Variants in CLEC1A observed in about 807,000 individuals in gnomAD.
CLEC1A encodes C-type lectin-like receptor-1.
Under a neutral mutation model 28.7 loss-of-function variants are expected in CLEC1A, and 34 were observed. The ratio of observed to expected loss-of-function variants is 1.18; its 90% CI spans 0.90 to 1.57. CLEC1A has a LOEUF of 1.57. Among genes scored for constraint, CLEC1A ranks in the 40% most tolerant of loss-of-function variants. The pLI, the probability that CLEC1A is intolerant of heterozygous loss-of-function variation, is 0.00. For missense variants in CLEC1A, 385 were observed against 339.5 expected, an observed-to-expected ratio of 1.13 and a Z score of -1.05; for synonymous variants, 116 against 121.0, an observed-to-expected ratio of 0.96 and a Z score of 0.27.
At position 10,075,667 on chromosome 12, in the gene CLEC1A, G is replaced by C; in HGVS notation, c.392-12C>G. On this transcript the variant is annotated splice_polypyrimidine_tract_variant and intron_variant, in intron 3 of 5. Coordinates refer to ENST00000315330, the MANE Select transcript of CLEC1A (RefSeq NM_016511.4). ...GCTGCACCTGTGTGCTTGGAAAAAAGCCAATTTTATTGTTATTTTCTGCAT... is the reference window on the plus strand; with the variant it reads ...GCTGCACCTGTGTGCTTGGAAAAAACCCAATTTTATTGTTATTTTCTGCAT... The C allele has an allele frequency of 1.2e-6, 2 of 1,610,634 alleles. No homozygotes were observed. Among genetic ancestry groups the C allele is most frequent in the Non-Finnish European group, 1.7e-6 (2 of 1,178,448 alleles).
intron 1 of CLEC1A, among the ~76,000 whole-genome samples, chr12:10,093,890 G>A (rs975889318): frequency 1.3e-5 from 2 of 152,080 alleles, no homozygotes; most frequent in Admixed American, 1.3e-4. Flanking sequence ...ATGGGAATCT[G>A]AGTTCACGGG....
In CLEC1A at chr12:10,070,671, A is replaced by T. The variant is rs1215492239; in HGVS notation, c.*662T>A. The T allele has an allele frequency of 6.6e-6, 1 of 152,182 alleles. No homozygotes were observed. The highest frequency in any genetic ancestry group is 1.5e-5 in the Non-Finnish European group (1 of 68,028). The allele number at this position is 152,182 out of a possible 1,614,324, so 9.4% of individuals were successfully genotyped here. ...TGATATGAAACGGAGATGGGGATAT[A>T]TTTCTTTCCTGGGAGAAATTCCTAT... On this transcript the variant is annotated 3_prime_UTR_variant, in exon 6 of 6. Coordinates refer to ENST00000315330, the MANE Select transcript of CLEC1A (RefSeq NM_016511.4).
chr12:10,088,269 G>A (rs899716439), intron 2 of CLEC1A, among the ~76,000 whole-genome samples: 1 of 152,150 alleles, frequency 6.6e-6, no homozygotes, highest in Admixed American at 6.5e-5. Flanking sequence ...CAAAACAATA[G>A]TTCTATCACA....
chr12:10,073,897 G>T (rs965435782), intron 4 of CLEC1A, among the ~76,000 whole-genome samples: 10 of 152,104 alleles, frequency 6.6e-5, no homozygotes, highest in Admixed American at 2.0e-4. Context: ...AGAGAAGAAA[G>T]AAATTTTTAA....
rs1236258079 is a variant in CLEC1A at position 10,081,318 on chromosome 12, G to A, written c.310C>T (p.Gln104Ter). The A allele has an allele frequency of 5.6e-6, 9 of 1,613,300 alleles. No individual in the cohort carries two copies. In the Admixed American group the frequency reaches 1.2e-4, roughly 21 times the overall value. The change falls in exon 3 of 6, where the codon CAA becomes TAA. Residue 104 changes from glutamine to a stop codon, truncating the protein, a stop_gained. Coordinates refer to ENST00000315330, the MANE Select transcript of CLEC1A (RefSeq NM_016511.4). LOFTEE classifies it high-confidence loss of function. The part of the protein sequence containing the change: ...GNTSQELQSL[Q>*]VQNIKLAGSL... ...CCTGCAAGCTTTATATTCTGGACTT[G>A]AAGAGATTGCAACTCTTGGGACGTA... is the stretch of plus-strand genomic sequence containing the variant.
chr12:10,077,731 T>C (rs1052082978), intron 3 of CLEC1A, among the ~76,000 whole-genome samples: 3 of 152,140 alleles, frequency 2.0e-5, no homozygotes, highest in South Asian at 2.1e-4. Flanking sequence ...CATGAAAATA[T>C]GTCATCCAAA....
In CLEC1A at chr12:10,098,893, G is replaced by C. The variant is rs756553441; in HGVS notation, c.30C>G (p.Asp10Glu). The change falls in exon 1 of 6, where the codon GAC becomes GAG. Residue 10 changes from aspartate to glutamate, a missense_variant. Asp to Glu is a conservative substitution (Grantham distance 45, BLOSUM62 2). Transcript: ENST00000315330. The part of the protein sequence containing the change: MQAKYSSTR[D>E]MLDDDGDTTM... ...TGGTGTCCCCATCATCATCCAGCAT[G>C]TCCCTCGTGCTGCTGTACTTGGCCT... The C allele has an allele frequency of 3.3e-5, 53 of 1,613,422 alleles. No homozygotes were observed. The highest frequency in any genetic ancestry group is 4.3e-5 in the Non-Finnish European group (51 of 1,179,756).
intron 3 of CLEC1A, 47 bp downstream of exon 3, chr12:10,081,186 ATCTC>A: frequency 7.0e-7 from 1 of 1,433,820 alleles, no homozygotes; most frequent in South Asian, 1.4e-5. Context: ...CGGGAAATCC[ATCTC>A]TCTGTTTCCA....
chr12:10,095,691 G>A (rs1482582334), intron 1 of CLEC1A, among the ~76,000 whole-genome samples: 1 of 151,934 alleles, frequency 6.6e-6, no homozygotes, highest in East Asian at 1.9e-4. Context: ...TCTTCCTTTC[G>A]CTTAAACTCT....
intron 2 of CLEC1A, among the ~76,000 whole-genome samples, chr12:10,085,938 C>CA (rs1319523347): frequency 6.6e-6 from 1 of 151,802 alleles, no homozygotes; most frequent in Non-Finnish European, 1.5e-5. Context: ...TGATAGGCCA[C>CA]AAAAAAAGTC....
At chr12:10,098,699 A>G (rs1947809595) in intron 1 of CLEC1A, 109 bp downstream of exon 1, 1 of 680,834 alleles carries the variant, frequency 1.5e-6, no homozygotes, top group Non-Finnish European at 2.4e-6. Flanking sequence ...GAGTAATTGG[A>G]AATAAAATTA....
At chr12:10,092,564 G>T (rs754814360) in intron 1 of CLEC1A, 17 of 199,852 alleles carry the variant, frequency 8.5e-5, no homozygotes, top group South Asian at 8.2e-4. Context: ...GTAATGAAAT[G>T]AAATGAAATA....
chr12:10,096,285 A>G (rs1330636421), intron 1 of CLEC1A, among the ~76,000 whole-genome samples: 1 of 152,074 alleles, frequency 6.6e-6, no homozygotes, highest in Non-Finnish European at 1.5e-5. Context: ...ATTACATCAA[A>G]CAGAACCTAG....
Position 10,071,336 on chromosome 12 carries a change from G to T in CLEC1A, c.840C>A (p.Asp280Glu). ...ATTTGTAGTTGCAGAGGGCGAATCA[G>T]TCACCTTCGCCTAATGTTTCAGGGG... is the stretch of plus-strand genomic sequence containing the variant. The part of the protein sequence containing the change: ...HVPPETLGEG[D>E] Residue 280 changes from aspartate to glutamate, a missense_variant, in exon 6 of 6, where the codon GAC (aspartate) becomes GAA (glutamate). By Grantham distance (45) the Asp-to-Glu change is conservative. Coordinates refer to ENST00000315330, the MANE Select transcript of CLEC1A (RefSeq NM_016511.4). The T allele has an allele frequency of 6.2e-7, 1 of 1,612,892 alleles. No homozygotes were observed. Among genetic ancestry groups the T allele is most frequent in the Non-Finnish European group, 8.5e-7 (1 of 1,179,362 alleles).
intron 1 of CLEC1A, among the ~76,000 whole-genome samples, chr12:10,093,284 C>G (rs1181785738): frequency 2.7e-5 from 4 of 150,092 alleles, no homozygotes; most frequent in Non-Finnish European, 5.9e-5. Flanking sequence ...AAGAGAACCC[C>G]TTTGCTGTCT....
chr12:10,093,939 C>A (rs569526502), intron 1 of CLEC1A, among the ~76,000 whole-genome samples: 1 of 152,158 alleles, frequency 6.6e-6, no homozygotes, highest in South Asian at 2.1e-4. Flanking sequence ...ATGCAGGTTT[C>A]TTTTCTCTTA....
At chr12:10,094,802 C>T (rs1947754778) in intron 1 of CLEC1A, among the ~76,000 whole-genome samples, 1 of 152,134 alleles carries the variant, frequency 6.6e-6, no homozygotes, top group East Asian at 1.9e-4. Flanking sequence ...ATCATACTTC[C>T]TCTCTTCCAT....
At chr12:10,073,014 A>C (rs1337943281) in intron 5 of CLEC1A, among the ~76,000 whole-genome samples, 2 of 152,168 alleles carry the variant, frequency 1.3e-5, no homozygotes, top group Non-Finnish European at 2.9e-5. Flanking sequence ...TGGGAGGCAG[A>C]GGTTTCAGTG....
intron 2 of CLEC1A, among the ~76,000 whole-genome samples, chr12:10,085,677 C>T (rs1201105304): frequency 1.3e-5 from 2 of 151,888 alleles, no homozygotes; most frequent in African/African-American, 4.8e-5. Context: ...AAAACAATTA[C>T]TACTAGACCT....
Sources: allele counts gnomAD v4.1 joint callset (sites outside exome capture counted in the v4.1 genomes callset), GRCh38; gene constraint gnomAD v4.1.1; transcripts MANE v1.5; gene names NCBI Gene and HGNC (gene_info 2026-07-23, HGNC 2026-07-21).